Variants in GRID2 observed in about 807,000 individuals in gnomAD.
GRID2 encodes the protein glutamate ionotropic receptor delta type subunit 2.
A neutral mutation model predicts 114.8 loss-of-function variants in GRID2; 33 were observed. That is an observed-to-expected ratio of 0.29 (90% confidence interval 0.22 to 0.38). The LOEUF (loss-of-function observed/expected upper bound fraction) is 0.38. GRID2 is among the 10% of genes least tolerant of loss of function. The pLI, the probability that GRID2 is intolerant of heterozygous loss-of-function variation, is 1.00. For missense variants in GRID2, 1,184 were observed against 1,257.7 expected (o/e 0.94, Z 0.89); for synonymous variants, 505 against 449.9 (o/e 1.12, Z -1.55).
At chr4:93,587,018 A>G (rs1369670441) in intron 13 of GRID2, among the ~76,000 whole-genome samples, 2 of 152,118 alleles carry the variant, frequency 1.3e-5, no homozygotes, top group Non-Finnish European at 2.9e-5. Flanking sequence ...CAAGAGAGCT[A>G]ATCACTTTCA....
At chr4:93,609,351 C>A (rs1480481856) in intron 13 of GRID2, among the ~76,000 whole-genome samples, 10 of 86,106 alleles carry the variant, frequency 1.2e-4, no homozygotes, top group South Asian at 3.4e-4. Context: ...CTTTTGTTGC[C>A]ATTGCTTTTG....
chr4:93,466,558 G>C (rs978453817), intron 11 of GRID2, among the ~76,000 whole-genome samples: 1 of 152,112 alleles, frequency 6.6e-6, no homozygotes, highest in Admixed American at 6.5e-5. Flanking sequence ...CTAGGGAAGG[G>C]GTAGTAACTT....
intron 2 of GRID2, among the ~76,000 whole-genome samples, chr4:92,676,993 C>T (rs970940947): frequency 1.3e-5 from 2 of 152,018 alleles, no homozygotes; most frequent in Non-Finnish European, 2.9e-5. Context: ...ATCTTGAAGA[C>T]ATTATGCTAA....
chr4:93,358,383 G>A, intron 8 of GRID2, among the ~76,000 whole-genome samples: 1 of 151,782 alleles, frequency 6.6e-6, no homozygotes, highest in East Asian at 1.9e-4. Context: ...TTAAGAAATT[G>A]TACTTCTGTT....
At position 92,602,047 on chromosome 4, in the gene GRID2, G is replaced by A. The variant is rs1729239516; in HGVS notation, c.244+11761G>A. 2.0e-5 allele frequency among the ~76,000 whole-genome samples: 3 copies of A among 151,738 alleles called. No individual in the cohort carries two copies. In the South Asian group the frequency reaches 6.2e-4, roughly 31 times the overall value. The stretch of plus-strand genomic sequence containing the variant: ...AGCCTCTCAAGGAAAAAAACCCCAG[G>A]GCCAGACGGATTTATAGCTGAATTC... On this transcript the variant is annotated intron_variant, in intron 2 of 15. Transcript: ENST00000282020.
intron 2 of GRID2, among the ~76,000 whole-genome samples, chr4:92,997,044 A>C (rs1205016702): frequency 6.6e-6 from 1 of 152,224 alleles, no homozygotes; most frequent in Non-Finnish European, 1.5e-5. Context: ...CTTGATGATT[A>C]TCAAAAAGCA....
chr4:93,552,411 G>A (rs1733852628), intron 13 of GRID2, among the ~76,000 whole-genome samples: 1 of 151,998 alleles, frequency 6.6e-6, no homozygotes, highest in Admixed American at 6.6e-5. Context: ...GGGATGGCTG[G>A]GTCAAATGGT....
chr4:92,494,575 G>A (rs186671011), intron 1 of GRID2, among the ~76,000 whole-genome samples: 40 of 152,136 alleles, frequency 2.6e-4, no homozygotes, highest in Admixed American at 2.6e-3. Context: ...ATCTGTAAAA[G>A]AGAGTTGGGC....
chr4:93,153,955 A>G (rs961050103), intron 4 of GRID2, among the ~76,000 whole-genome samples: 1 of 152,066 alleles, frequency 6.6e-6, no homozygotes, highest in African/African-American at 2.4e-5. Flanking sequence ...CTTTAGAACT[A>G]GTATGTATAC....
intron 2 of GRID2, among the ~76,000 whole-genome samples, chr4:92,650,408 A>G (rs993064109): frequency 3.3e-5 from 5 of 152,044 alleles, no homozygotes; most frequent in African/African-American, 4.8e-5. Context: ...GTAGTTTTCA[A>G]TCACCTTAAT....
In GRID2 at chr4:93,595,575, C is replaced by G. The variant is rs117114514; in HGVS notation, c.2194-30694C>G. On this transcript the variant is annotated intron_variant, in intron 13 of 15. Coordinates refer to ENST00000282020, the MANE Select transcript of GRID2 (RefSeq NM_001510.4). ...CTCAGTGTCAGGGATGCAGTAAGAA[C>G]TCAGTAAAAATGTTTGTGTTATAAT... Among the ~76,000 whole-genome samples, 360 of 152,278 alleles carry G rather than the reference C, an allele frequency of 2.4e-3. 12 individuals carry two copies. The East Asian group carries it at 0.066, about 28-fold the overall frequency.
At chr4:92,577,735 A>T (rs1412910960) in intron 1 of GRID2, among the ~76,000 whole-genome samples, 1 of 152,160 alleles carries the variant, frequency 6.6e-6, no homozygotes, top group African/African-American at 2.4e-5. Flanking sequence ...ATTCTTCTAT[A>T]AAGGAGTTGA....
At chr4:92,908,202 T>C (rs1407188384) in intron 2 of GRID2, among the ~76,000 whole-genome samples, 1 of 152,154 alleles carries the variant, frequency 6.6e-6, no homozygotes, top group African/African-American at 2.4e-5. Flanking sequence ...GTTTTTTTAT[T>C]GACAGTAATT....
intron 8 of GRID2, among the ~76,000 whole-genome samples, chr4:93,276,970 G>A (rs1752121528): frequency 6.6e-6 from 1 of 151,722 alleles, no homozygotes; most frequent in Admixed American, 6.6e-5. Context: ...ATAAGGTACT[G>A]TACAAAGCAA....
Position 92,576,984 on chromosome 4 carries a change from T to C in GRID2, c.89-13147T>C, listed in dbSNP as rs566117353. On this transcript the variant is annotated intron_variant, in intron 1 of 15. Transcript: ENST00000282020. The stretch of plus-strand genomic sequence containing the variant: ...CCTTGATTACTTTCAAATATATGTC[T>C]GCAGTTCAGACATCTTTCTCTTAAG... 2.0e-5 allele frequency among the ~76,000 whole-genome samples: 3 copies of C among 152,338 alleles called. No homozygotes were observed. The South Asian group carries it at 6.2e-4, about 32-fold the overall frequency.
intron 2 of GRID2, among the ~76,000 whole-genome samples, chr4:93,071,014 A>C (rs1728761189): frequency 6.6e-6 from 1 of 152,072 alleles, no homozygotes; most frequent in Non-Finnish European, 1.5e-5. Flanking sequence ...CTTTCCTCTC[A>C]TAGAGCTTAT....
intron 1 of GRID2, among the ~76,000 whole-genome samples, chr4:92,317,947 A>C (rs1242675345): frequency 6.6e-6 from 1 of 152,178 alleles, no homozygotes; most frequent in Non-Finnish European, 1.5e-5. Context: ...AATGCAATAT[A>C]AATTGCAGCT....
chr4:92,665,303 C>T (rs1228356321), intron 2 of GRID2, among the ~76,000 whole-genome samples: 1 of 138,672 alleles, frequency 7.2e-6, no homozygotes, highest in South Asian at 2.4e-4. Context: ...AAAAAAAAAA[C>T]CTCTGCTCCT....
chr4:92,781,542 G>T (rs1165141749), intron 2 of GRID2, among the ~76,000 whole-genome samples: 1 of 152,010 alleles, frequency 6.6e-6, no homozygotes, highest in Non-Finnish European at 1.5e-5. Context: ...TTATTAAAAT[G>T]ATAGAGATGG....
Sources: allele counts gnomAD v4.1 joint callset (sites outside exome capture counted in the v4.1 genomes callset), GRCh38; gene constraint gnomAD v4.1.1; transcripts MANE v1.5; gene names NCBI Gene and HGNC (gene_info 2026-07-23, HGNC 2026-07-21).